The following CCDC66 variants were observed in gnomAD, a reference collection of about 807,000 sequenced individuals.
CCDC66 encodes coiled-coil domain containing 66, also known as coiled-coil domain-containing protein 66.
In CCDC66, 133 loss-of-function variants were observed where a neutral mutation model predicts 128.3. The observed-to-expected ratio is 1.04, with a 90% CI of 0.90 to 1.20. The LOEUF is 1.20. Among genes scored for constraint, CCDC66 ranks in the 50% most tolerant of loss-of-function variants. CCDC66 has a pLI of 0.00. For missense variants in CCDC66, 1,126 were observed against 1,075.5 expected (o/e 1.05, Z -0.66); for synonymous variants, 387 against 357.0 (o/e 1.08, Z -0.95).
In CCDC66 at chr3:56,563,969, G is replaced by A; in HGVS notation, c.388G>A (p.Val130Ile). The A allele has an allele frequency of 8.1e-6, 13 of 1,613,960 alleles. No homozygotes were observed. The highest frequency in any genetic ancestry group is 1.1e-5 in the Non-Finnish European group (13 of 1,179,942). The change falls in exon 4 of 18, where the codon GTA becomes ATA. Residue 130 changes from valine to isoleucine, a missense_variant. Coordinates refer to ENST00000394672, the MANE Select transcript of CCDC66 (RefSeq NM_001141947.3). ...TAGAAACACCGTAAATACATCTCTA[G>A]TAGGTAAACAGAAGCCTCACAAAAA... ...KTRNTVNTSL[V>I]GKQKPHKKHI...
chr3:56,598,145 TTTTGTTTTGTTTGTTTG>T (rs1559717018), intron 10 of CCDC66, among the ~76,000 whole-genome samples: 1 of 114,756 alleles, frequency 8.7e-6, no homozygotes, highest in Non-Finnish European at 1.7e-5. Flanking sequence ...GTTTGTTTTG[TTTTGTTTTGTTTGTTTG>T]TTTGTTTGTT....
chr3:56,580,658 T>G (rs1235788635), intron 7 of CCDC66, among the ~76,000 whole-genome samples: 2 of 151,878 alleles, frequency 1.3e-5, no homozygotes, highest in African/African-American at 4.8e-5. Context: ...TTATTTCTCC[T>G]TCATTTATGA....
In CCDC66 at chr3:56,617,517, T is replaced by C. The variant is rs765183860; in HGVS notation, c.2249T>C (p.Leu750Pro). 15 of 1,613,504 alleles carry C rather than the reference T, an allele frequency of 9.3e-6. No homozygotes were observed. Among genetic ancestry groups the C allele is most frequent in the Non-Finnish European group, 1.3e-5 (15 of 1,179,880 alleles). The change falls in exon 14 of 18, where the codon CTC (leucine) becomes CCC (proline). Residue 750 changes from leucine (L) to proline (P), a missense_variant. By Grantham distance (98) the Leu-to-Pro change is moderately conservative. Transcript: ENST00000394672. ...HLVEKNNPGH[L>P]SQNRGISPEI... is the part of the protein sequence containing the mutation. ...GTAGAAAAAAATAATCCTGGGCACC[T>C]CTCTCAAAACAGAGGCATTTCACCA...
At chr3:56,592,646 T>C (rs1321830973) in intron 7 of CCDC66, among the ~76,000 whole-genome samples, 29 of 152,214 alleles carry the variant, frequency 1.9e-4, no homozygotes, top group Non-Finnish European at 5.9e-5. Context: ...ATTATAGTCA[T>C]GAGCTGCTGC....
At chr3:56,604,645 GA>G (rs1207989007) in intron 10 of CCDC66, among the ~76,000 whole-genome samples, 1 of 151,756 alleles carries the variant, frequency 6.6e-6, no homozygotes, top group Non-Finnish European at 1.5e-5. Flanking sequence ...TCTGCAGAGA[GA>G]TCCGCTGTTA....
chr3:56,589,711 TTAAAGTTAATATTATAAAA>T (rs1181215568), intron 7 of CCDC66, among the ~76,000 whole-genome samples: 1 of 152,152 alleles, frequency 6.6e-6, no homozygotes, highest in African/African-American at 2.4e-5. Flanking sequence ...TCTTGGAAGG[TTAAAGTTAATATTATAAAA>T]TAGAGGGAGA....
Position 56,621,536 on chromosome 3 carries a change from T to C in CCDC66, c.2765T>C (p.Leu922Pro). The C allele has an allele frequency of 6.3e-7, 1 of 1,587,562 alleles. No individual in the cohort carries two copies. The highest frequency in any genetic ancestry group is 1.2e-5 in the South Asian group (1 of 86,414). Reference sequence around the variant, plus strand: ...CATATATCAATGTGATTTCAGGGCCTTCTCCAGAAGCAAAAGGAGTTGGAA... The same window carrying C: ...CATATATCAATGTGATTTCAGGGCCCTCTCCAGAAGCAAAAGGAGTTGGAA... ...LKGLSELRQGLLQKQKELESS... is the reference protein window; with the variant it reads ...LKGLSELRQGPLQKQKELESS... The change falls in exon 18 of 18, where the codon CTT (leucine) becomes CCT (proline). Residue 922 changes from leucine to proline, a missense_variant. Coordinates refer to ENST00000394672, the MANE Select transcript of CCDC66 (RefSeq NM_001141947.3).
At chr3:56,587,050 G>T (rs2069900698) in intron 7 of CCDC66, among the ~76,000 whole-genome samples, 1 of 151,774 alleles carries the variant, frequency 6.6e-6, no homozygotes. Context: ...TCTAAAAAGA[G>T]ATAAGATGCC....
intron 7 of CCDC66, among the ~76,000 whole-genome samples, chr3:56,575,520 C>CG (rs1197526576): frequency 6.6e-6 from 1 of 151,696 alleles, no homozygotes; most frequent in Non-Finnish European, 1.5e-5. Context: ...CAACTGTTTT[C>CG]TCCCATTCTG....
chr3:56,592,546 A>G (rs1462479676), intron 7 of CCDC66, among the ~76,000 whole-genome samples: 1 of 121,724 alleles, frequency 8.2e-6, no homozygotes, highest in African/African-American at 3.0e-5. Context: ...TTTTTTCAGT[A>G]GAGATGAGAT....
At chr3:56,615,892 T>G (rs750192675) in intron 12 of CCDC66, 30 bp from the exon 13 acceptor site, 1 of 1,557,420 alleles carries the variant, frequency 6.4e-7, no homozygotes, top group South Asian at 1.2e-5. Flanking sequence ...TCCTTAAGTG[T>G]TGTTTTATCA....
chr3:56,565,524 C>A (rs937165210), intron 4 of CCDC66, among the ~76,000 whole-genome samples: 1 of 151,172 alleles, frequency 6.6e-6, no homozygotes, highest in African/African-American at 2.4e-5. Flanking sequence ...GTCTCCTGAC[C>A]TCATGATCCG....
Position 56,571,179 on chromosome 3 carries a change from A to G in CCDC66, c.815-2A>G, listed in dbSNP as rs778874225. 3.3e-6 allele frequency: 5 copies of G among 1,507,956 alleles called. No individual in the cohort carries two copies. Among genetic ancestry groups the G allele is most frequent in the Admixed American group, 4.4e-5 (2 of 45,892 alleles). 93.4% of individuals were successfully genotyped at this position (1,507,956 alleles called of 1,614,324 possible). A position where few individuals can be genotyped will look rare whatever the true frequency, so the allele number is the denominator to read the frequency against. Reference sequence around the variant, plus strand: ...TTTTTTTAAAAAGGACATTATTTACAGATGAACAGGTTGCTTTAAAGAAGA... The same window carrying G: ...TTTTTTTAAAAAGGACATTATTTACGGATGAACAGGTTGCTTTAAAGAAGA... On this transcript the variant is annotated splice_acceptor_variant, in intron 6 of 17. Transcript: ENST00000394672. LOFTEE classifies it high-confidence loss of function.
chr3:56,568,275 G>A (rs1409041956), intron 6 of CCDC66, among the ~76,000 whole-genome samples: 1 of 152,178 alleles, frequency 6.6e-6, no homozygotes, highest in Non-Finnish European at 1.5e-5. Flanking sequence ...GTAAAACACT[G>A]TAGTTCCCTT....
chr3:56,593,849 G>T (rs1167857485), intron 9 of CCDC66, 95 bp from the exon 10 acceptor site: 2 of 1,579,356 alleles, frequency 1.3e-6, no homozygotes, highest in African/African-American at 2.7e-5. Context: ...CTTTGAAATA[G>T]AAATAATTAG....
intron 10 of CCDC66, among the ~76,000 whole-genome samples, chr3:56,596,914 C>T (rs1413950889): frequency 7.8e-6 from 1 of 128,162 alleles, no homozygotes; most frequent in African/African-American, 2.9e-5. Context: ...GCCACCACAC[C>T]TGGCTAATTT....
intron 3 of CCDC66, among the ~76,000 whole-genome samples, chr3:56,563,352 T>C (rs115069115): frequency 0.011 from 1,637 of 145,978 alleles, 16 homozygotes; most frequent in Middle Eastern, 0.018. Flanking sequence ...CAGAGTGAAA[T>C]GCTGTGTCAA....
rs567425840 is a variant in CCDC66, at chr3:56,619,874, C to A, written c.2733C>A (p.Ile911=). The A allele has an allele frequency of 1.6e-5, 26 of 1,613,868 alleles. No homozygotes were observed. The highest frequency in any genetic ancestry group is 5.0e-5 in the Admixed American group (3 of 59,990). ...MVKNRDRQQA[I]LKGLSELRQG... ...AAAATAGGGATCGACAGCAAGCAAT[C>A]CTTAAGGGACTTTCAGAACTGAGAC... is the stretch of plus-strand genomic sequence containing the variant. The change falls in exon 17 of 18, where the codon ATC becomes ATA. Residue 911 remains isoleucine, a synonymous_variant. Coordinates refer to ENST00000394672, the MANE Select transcript of CCDC66 (RefSeq NM_001141947.3).
At chr3:56,619,212 G>T in intron 15 of CCDC66, 59 bp from the exon 16 acceptor site, 1 of 1,317,234 alleles carries the variant, frequency 7.6e-7, no homozygotes, top group South Asian at 1.5e-5. Flanking sequence ...AGTGAAATGT[G>T]ATTAAAGAGA....
Sources: gnomAD v4.1 joint callset for allele counts (sites outside exome capture counted in the v4.1 genomes callset) on GRCh38, gnomAD v4.1.1 for gene constraint, MANE v1.5 for transcripts, NCBI Gene and HGNC (gene_info 2026-07-23, HGNC 2026-07-21) for gene names.